Variants in ATG7 observed in about 807,000 individuals in gnomAD.
ATG7 encodes autophagy related 7.
Under a neutral mutation model 82.4 loss-of-function variants are expected in ATG7, and 70 were observed. That is an observed-to-expected ratio of 0.85 (90% CI 0.70 to 1.04). ATG7 has a LOEUF of 1.04. Ranked by LOEUF, ATG7 falls within the 50% of genes least tolerant of loss-of-function variation. The pLI is 0.00. For missense variants in ATG7, 792 were observed against 864.3 expected (o/e 0.92, Z 1.05); for synonymous variants, 287 against 313.0 (o/e 0.92, Z 0.88).
chr3:11,501,978 G>C (rs1274822813), intron 20 of ATG7, among the ~76,000 whole-genome samples: 1 of 151,744 alleles, frequency 6.6e-6, no homozygotes, highest in Non-Finnish European at 1.5e-5. Flanking sequence ...CGTGATCCTG[G>C]GTTTACTTTT....
At position 11,503,742 on chromosome 3, in the gene ATG7, C is replaced by T. The variant is rs529689156; in HGVS notation, c.2080-51069C>T. Among the ~76,000 whole-genome samples, 465 of 118,462 alleles carry T rather than the reference C, an allele frequency of 3.9e-3. 3 individuals carry two copies. The highest frequency in any genetic ancestry group is 0.013 in the South Asian group (47 of 3,616). The allele number at this position is 118,462 out of a possible 152,430, so 77.7% of individuals were successfully genotyped here. A position where few individuals can be genotyped will look rare whatever the true frequency, so the allele number is the denominator to read the frequency against. ...TTGCACTCCAGCCTGGGCAACAGACCGAGACTCTGTCTCAAAAAAAAAAAA... is the reference window on the plus strand; with the variant it reads ...TTGCACTCCAGCCTGGGCAACAGACTGAGACTCTGTCTCAAAAAAAAAAAA... On this transcript the variant is annotated intron_variant, in intron 20 of 20. Coordinates refer to ENST00000693202, the MANE Select transcript of ATG7 (RefSeq NM_001349232.2).
intron 11 of ATG7, among the ~76,000 whole-genome samples, chr3:11,337,437 A>G (rs1327945354): frequency 1.3e-5 from 2 of 152,012 alleles, no homozygotes; most frequent in Non-Finnish European, 2.9e-5. Flanking sequence ...CTGGCGAGAC[A>G]GCAAGACTCT....
chr3:11,422,200 T>C (rs532284727), intron 19 of ATG7, among the ~76,000 whole-genome samples: 1 of 152,360 alleles, frequency 6.6e-6, no homozygotes, highest in East Asian at 1.9e-4. Flanking sequence ...AAGCCAGGCA[T>C]TGACTTCTCC....
intron 5 of ATG7, among the ~76,000 whole-genome samples, chr3:11,303,947 C>G (rs537779216): frequency 2.0e-5 from 3 of 147,592 alleles, no homozygotes; most frequent in Admixed American, 6.8e-5. Flanking sequence ...AAAAATTAGC[C>G]GGGCGTGGTG....
At chr3:11,561,886 C>A (rs992914352), downstream of ATG7, among the ~76,000 whole-genome samples, 1 of 138,446 alleles carries the variant, frequency 7.2e-6, no homozygotes, top group African/African-American at 2.7e-5. Flanking sequence ...GCTGGCTGCG[C>A]CAAACTTTTT....
At chr3:11,337,239 G>A (rs1952656845) in intron 11 of ATG7, among the ~76,000 whole-genome samples, 1 of 152,148 alleles carries the variant, frequency 6.6e-6, no homozygotes, top group South Asian at 2.1e-4. Context: ...CGGATCATGA[G>A]GTCAGGAGAT....
At chr3:11,274,957 G>A (rs547492509) in intron 1 of ATG7, among the ~76,000 whole-genome samples, 1 of 152,024 alleles carries the variant, frequency 6.6e-6, no homozygotes, top group Non-Finnish European at 1.5e-5. Flanking sequence ...TACCCAGGCA[G>A]CAATGTGGTG....
chr3:11,404,021 G>A (rs1372856329), intron 19 of ATG7, among the ~76,000 whole-genome samples: 1 of 151,120 alleles, frequency 6.6e-6, no homozygotes, highest in Non-Finnish European at 1.5e-5. Context: ...CTCCCCCCCA[G>A]ATTTTTGACC....
At chr3:11,460,307 T>TA (rs2152997415) in intron 20 of ATG7, among the ~76,000 whole-genome samples, 1 of 152,358 alleles carries the variant, frequency 6.6e-6, no homozygotes, top group Admixed American at 6.5e-5. Flanking sequence ...CGGTATCTTA[T>TA]CTACCTTTGG....
chr3:11,563,254 C>T, the ATG7 span, among the ~76,000 whole-genome samples: 2 of 152,194 alleles, frequency 1.3e-5, no homozygotes, highest in African/African-American at 4.8e-5. Flanking sequence ...CCTCCATACC[C>T]GTGTCCTTCA....
intron 3 of ATG7, among the ~76,000 whole-genome samples, chr3:11,294,836 C>T (rs191189539): frequency 9.9e-5 from 15 of 152,236 alleles, no homozygotes; most frequent in South Asian, 4.1e-4. Context: ...GCTCAAAGGC[C>T]GGGAGCAGTG....
At chr3:11,448,406 G>A (rs1007055559) in intron 20 of ATG7, among the ~76,000 whole-genome samples, 6 of 152,170 alleles carry the variant, frequency 3.9e-5, no homozygotes, top group Non-Finnish European at 5.9e-5. Context: ...TGGAGCCCCT[G>A]AGGTCAGCAT....
chr3:11,534,338 C>CCTAT, intron 20 of ATG7, among the ~76,000 whole-genome samples: 1 of 149,876 alleles, frequency 6.7e-6, no homozygotes, highest in Non-Finnish European at 1.5e-5. Flanking sequence ...TAGGTAGGGA[C>CCTAT]ACCAGCTTGC....
intron 17 of ATG7, among the ~76,000 whole-genome samples, chr3:11,364,254 A>G (rs1183387952): frequency 2.0e-5 from 3 of 152,254 alleles, no homozygotes; most frequent in Non-Finnish European, 1.5e-5. Flanking sequence ...TTTTCAGTAC[A>G]GAAATGTGCT....
intron 20 of ATG7, among the ~76,000 whole-genome samples, chr3:11,444,492 A>G (rs556253558): frequency 1.3e-5 from 2 of 152,276 alleles, no homozygotes; most frequent in African/African-American, 2.4e-5. Context: ...TGGGGGTGAT[A>G]TCACCCTCTT....
chr3:11,543,905 G>GC lies in ATG7; in HGVS notation c.2080-10905dup, dbSNP rs1385337771. On this transcript the variant is annotated intron_variant, in intron 20 of 20. Coordinates refer to ENST00000693202, the MANE Select transcript of ATG7 (RefSeq NM_001349232.2). Reference sequence around the variant, plus strand: ...GTGACAGGCTGGGGATGGAGGGTGGGCAGGGGCAAGGGCTGGGGCTGCTGG... The same window carrying GC: ...GTGACAGGCTGGGGATGGAGGGTGGGCCAGGGGCAAGGGCTGGGGCTGCTGG... Among the ~76,000 whole-genome samples, 3 of 152,240 alleles carry GC rather than the reference G, an allele frequency of 2.0e-5. No individual in the cohort carries two copies. In the East Asian group the frequency reaches 5.8e-4, roughly 30 times the overall value.
chr3:11,466,080 G>A (rs1465546625), intron 20 of ATG7, among the ~76,000 whole-genome samples: 2 of 152,178 alleles, frequency 1.3e-5, no homozygotes, highest in Non-Finnish European at 2.9e-5. Context: ...CCTAAAGTCT[G>A]CGGCTTATTC....
chr3:11,428,783 A>G (rs1229077278), intron 20 of ATG7, among the ~76,000 whole-genome samples: 1 of 152,206 alleles, frequency 6.6e-6, no homozygotes, highest in Non-Finnish European at 1.5e-5. Flanking sequence ...ACCCAGCTAG[A>G]AGTAACTTAT....
At chr3:11,374,356 G>T (rs1428564851) in intron 18 of ATG7, among the ~76,000 whole-genome samples, 1 of 152,186 alleles carries the variant, frequency 6.6e-6, no homozygotes, top group African/African-American at 2.4e-5. Context: ...TCAACAAATA[G>T]TATGGAGACA....
Sources: allele counts gnomAD v4.1 joint callset (sites outside exome capture counted in the v4.1 genomes callset), GRCh38; gene constraint gnomAD v4.1.1; transcripts MANE v1.5; gene names NCBI Gene and HGNC (gene_info 2026-07-23, HGNC 2026-07-21).